GLCCI1: variants seen among roughly 807,000 people sequenced by gnomAD.
GLCCI1 encodes the protein glucocorticoid induced 1, also known as glucocorticoid-induced transcript 1 protein.
Under a neutral mutation model 52.2 loss-of-function variants are expected in GLCCI1, and 24 were observed. That is an observed-to-expected ratio of 0.46 (90% confidence interval 0.33 to 0.65). The LOEUF is 0.65. Among genes scored for constraint, GLCCI1 ranks in the 30% least tolerant of loss-of-function variants. GLCCI1 has a pLI of 0.02. For missense variants in GLCCI1, 704 were observed against 701.5 expected (o/e 1.00, Z -0.04); for synonymous variants, 310 against 276.5 (o/e 1.12, Z -1.20).
Position 7,968,826 on chromosome 7 carries a change from AGCGGCGGCG to A in GLCCI1, c.-512_-504del, listed in dbSNP as rs570249106. ...CCATTCGGAGTGAGGAGTGGGTAGA[AGCGGCGGCG>A]GCGGCGGCGGCGTTTGCGGTGGCGC... On this transcript the variant is annotated 5_prime_UTR_variant, in exon 1 of 8. Coordinates refer to ENST00000223145, the MANE Select transcript of GLCCI1 (RefSeq NM_138426.4). 8 of 160,132 alleles carry A rather than the reference AGCGGCGGCG, an allele frequency of 5.0e-5. No individual in the cohort carries two copies. Among genetic ancestry groups the A allele is most frequent in the Admixed American group, 1.3e-4 (2 of 15,516 alleles). The allele number at this position is 160,132 out of a possible 1,614,324, so 9.9% of individuals were successfully genotyped here.
intron 6 of GLCCI1, among the ~76,000 whole-genome samples, chr7:8,084,316 C>T (rs1439509182): frequency 6.6e-6 from 1 of 152,144 alleles, no homozygotes; most frequent in Non-Finnish European, 1.5e-5. Context: ...TGAAAAAGCC[C>T]TTTTATTATA....
intron 1 of GLCCI1, among the ~76,000 whole-genome samples, chr7:7,995,972 C>T (rs1226804907): frequency 6.6e-6 from 1 of 151,386 alleles, no homozygotes; most frequent in Non-Finnish European, 1.5e-5. Flanking sequence ...TATTTTATAA[C>T]CTTTGTTGTT....
At chr7:8,005,176 G>A (rs1402198618) in intron 2 of GLCCI1, among the ~76,000 whole-genome samples, 1 of 152,018 alleles carries the variant, frequency 6.6e-6, no homozygotes, top group Non-Finnish European at 1.5e-5. Context: ...TCTGGACACA[G>A]ATAATTAATT....
intron 2 of GLCCI1, among the ~76,000 whole-genome samples, chr7:8,013,040 T>C (rs534538793): frequency 2.0e-5 from 3 of 152,184 alleles, no homozygotes; most frequent in Non-Finnish European, 4.4e-5. Flanking sequence ...CTTTTCCCAT[T>C]GAATGGCCTC....
chr7:8,008,531 G>A (rs535442993), intron 2 of GLCCI1, among the ~76,000 whole-genome samples: 10 of 152,248 alleles, frequency 6.6e-5, no homozygotes, highest in Non-Finnish European at 1.2e-4. Context: ...CTTGCCTCAA[G>A]TGATCCACTA....
intron 1 of GLCCI1, among the ~76,000 whole-genome samples, chr7:8,002,393 C>T (rs1280022366): frequency 6.6e-6 from 1 of 152,104 alleles, no homozygotes; most frequent in Admixed American, 6.5e-5. Context: ...GGGAAAATTT[C>T]AGGTAATTCC....
intron 3 of GLCCI1, among the ~76,000 whole-genome samples, chr7:8,034,851 G>A (rs1781831090): frequency 6.6e-6 from 1 of 152,212 alleles, no homozygotes. Flanking sequence ...GTATTCAAGA[G>A]TTCCTCTGCC....
chr7:8,012,955 A>G lies in GLCCI1; in HGVS notation c.609+8896A>G, dbSNP rs181759275. Among the ~76,000 whole-genome samples the G allele has an allele frequency of 3.7e-4, 56 of 152,286 alleles. No homozygotes were observed. In the East Asian group the frequency reaches 9.8e-3, roughly 27 times the overall value. On this transcript the variant is annotated intron_variant, in intron 2 of 7. Coordinates refer to ENST00000223145, the MANE Select transcript of GLCCI1 (RefSeq NM_138426.4). ...GATCCATTTGAGTCCATTTTTGTAT[A>G]AGGTAAGAGTCCAACTTCGTTCTTT...
intron 2 of GLCCI1, among the ~76,000 whole-genome samples, chr7:8,014,671 T>G (rs1281457475): frequency 1.3e-5 from 2 of 152,224 alleles, no homozygotes; most frequent in African/African-American, 4.8e-5. Flanking sequence ...GGATTTTACC[T>G]AAGTAACTTA....
At position 8,040,218 on chromosome 7, in the gene GLCCI1, G is replaced by A. The variant is rs141651216; in HGVS notation, c.697-15215G>A. On this transcript the variant is annotated intron_variant, in intron 3 of 7. Transcript: ENST00000223145. The stretch of plus-strand genomic sequence containing the variant: ...AAACCACAATGAGGGAGGTGTGATG[G>A]CCCACAACTATAATCCCAGCACTTA... Among the ~76,000 whole-genome samples, 16 of 152,122 alleles carry A rather than the reference G, an allele frequency of 1.1e-4. No homozygotes were observed. In the East Asian group the frequency reaches 2.9e-3, roughly 28 times the overall value.
At position 8,004,030 on chromosome 7, in the gene GLCCI1, C is replaced by G. The variant is rs747825330; in HGVS notation, c.580C>G (p.Pro194Ala). ...GCCACGGGATCCTCATGTTCACTAC[C>G]CTTCATGCATGAAAGACAAAGCTAC... is the stretch of plus-strand genomic sequence containing the variant. ...QWPRDPHVHYPSCMKDKATQT... is the reference protein window; with the variant it reads ...QWPRDPHVHYASCMKDKATQT... The change falls in exon 2 of 8, where the codon CCT (proline) becomes GCT (alanine). Residue 194 changes from proline (P) to alanine (A), a missense_variant. Around this residue, in one of 3 missense-constraint regions of GLCCI1, gnomAD observed 547 missense variants for 524.8 expected, o/e 1.04. Coordinates refer to ENST00000223145, the MANE Select transcript of GLCCI1 (RefSeq NM_138426.4). 3 of 1,613,330 alleles carry G rather than the reference C, an allele frequency of 1.9e-6. No homozygotes were observed. In the South Asian group the frequency reaches 3.3e-5, roughly 18 times the overall value.
chr7:8,018,952 A>G (rs116173874), intron 2 of GLCCI1, among the ~76,000 whole-genome samples: 4,096 of 152,294 alleles, frequency 0.027, 187 homozygotes, highest in African/African-American at 0.091. Flanking sequence ...GCTTGCTGAT[A>G]TGAAAGGAAA....
At chr7:8,012,322 G>GTTT (rs1211385977) in intron 2 of GLCCI1, among the ~76,000 whole-genome samples, 1 of 150,298 alleles carries the variant, frequency 6.7e-6, no homozygotes, top group Non-Finnish European at 1.5e-5. Context: ...TTTGAATTGG[G>GTTT]TTTTTTGTTG....
At chr7:8,042,047 T>C (rs1017214879) in intron 3 of GLCCI1, among the ~76,000 whole-genome samples, 3 of 152,218 alleles carry the variant, frequency 2.0e-5, no homozygotes, top group Non-Finnish European at 2.9e-5. Context: ...TACTGAATAT[T>C]TTAAGCCCAC....
chr7:7,992,326 C>T lies in GLCCI1; in HGVS notation c.458-11582C>T, dbSNP rs540666589. 7.2e-5 allele frequency among the ~76,000 whole-genome samples: 11 copies of T among 152,102 alleles called. No homozygotes were observed. In the East Asian group the frequency reaches 2.1e-3, roughly 29 times the overall value. ...ATACTGAACATACTGCTGCTCTCTT[C>T]TCCTTCAAAGGTGCTGGCTCAATGA... On this transcript the variant is annotated intron_variant, in intron 1 of 7. Transcript: ENST00000223145.
At chr7:8,043,010 A>G (rs578089148) in intron 3 of GLCCI1, among the ~76,000 whole-genome samples, 7 of 152,366 alleles carry the variant, frequency 4.6e-5, no homozygotes, top group East Asian at 3.9e-4. Flanking sequence ...GCCTTCAGCA[A>G]CCGCCATCCT....
At chr7:8,010,441 T>G (rs76652075) in intron 2 of GLCCI1, among the ~76,000 whole-genome samples, 1 of 152,184 alleles carries the variant, frequency 6.6e-6, no homozygotes, top group East Asian at 1.9e-4. Context: ...ATCTGCTCCC[T>G]GCCAAGGTCA....
At chr7:7,988,310 A>G (rs1780776783) in intron 1 of GLCCI1, among the ~76,000 whole-genome samples, 1 of 151,914 alleles carries the variant, frequency 6.6e-6, no homozygotes, top group Non-Finnish European at 1.5e-5. Context: ...TTTGTTTTTT[A>G]CTATCAGGTG....
chr7:8,030,843 T>C (rs1179290660), intron 3 of GLCCI1, among the ~76,000 whole-genome samples: 2 of 152,106 alleles, frequency 1.3e-5, no homozygotes, highest in Non-Finnish European at 2.9e-5. Context: ...AGGTATCATC[T>C]CACCCCAGTT....
Sources: gnomAD v4.1 joint callset for allele counts (sites outside exome capture counted in the v4.1 genomes callset) on GRCh38, gnomAD v4.1.1 for gene constraint, gnomAD v4.1.1 regional missense constraint, MANE v1.5 for transcripts, NCBI Gene and HGNC (gene_info 2026-07-23, HGNC 2026-07-21) for gene names.